NOSIP: variants seen among roughly 807,000 people sequenced by gnomAD.
NOSIP encodes the protein nitric oxide synthase interacting protein.
In NOSIP, 25 loss-of-function variants were observed where a neutral mutation model predicts 36.4. The observed-to-expected ratio is 0.69, with a 90% CI of 0.50 to 0.96. The LOEUF (loss-of-function observed/expected upper bound fraction) is 0.96, where lower values mean the gene tolerates loss of function less well. Among genes scored for constraint, NOSIP ranks in the 40% least tolerant of loss-of-function variants. The pLI, the probability that NOSIP is intolerant of heterozygous loss-of-function variation, is 0.00. For synonymous variants in NOSIP, 187 were observed against 179.2 expected (o/e 1.04, Z -0.35); for missense variants, 370 against 429.0 (o/e 0.86, Z 1.21).
At chr19:49,568,147 G>A (rs1473414614) in intron 1 of NOSIP, among the ~76,000 whole-genome samples, 1 of 152,140 alleles carries the variant, frequency 6.6e-6, no homozygotes. Context: ...AAAAAGATAA[G>A]AACAGAATAC....
intron 1 of NOSIP, among the ~76,000 whole-genome samples, chr19:49,567,938 A>C (rs2080432718): frequency 6.6e-6 from 1 of 152,048 alleles, no homozygotes; most frequent in African/African-American, 2.4e-5. Context: ...TTGGCTTCTC[A>C]AAGTGCTGGG....
chr19:49,570,830 G>A (rs971186865), intron 1 of NOSIP, among the ~76,000 whole-genome samples: 3 of 152,120 alleles, frequency 2.0e-5, no homozygotes, highest in African/African-American at 7.2e-5. Context: ...ACCCTCTGCA[G>A]TATTTGGCTC....
intron 1 of NOSIP, among the ~76,000 whole-genome samples, chr19:49,566,279 C>T (rs2080407226): frequency 1.3e-5 from 2 of 152,146 alleles, no homozygotes; most frequent in African/African-American, 4.8e-5. Flanking sequence ...CTCGGCTTCC[C>T]AAAGTGCTGG....
At chr19:49,575,362 C>T (rs2122190053) in intron 1 of NOSIP, among the ~76,000 whole-genome samples, 1 of 152,254 alleles carries the variant, frequency 6.6e-6, no homozygotes, top group South Asian at 2.1e-4. Context: ...TTAATTATCT[C>T]CACAAAGGCC....
intron 1 of NOSIP, among the ~76,000 whole-genome samples, chr19:49,564,720 A>T (rs1249609854): frequency 6.6e-6 from 1 of 152,170 alleles, no homozygotes; most frequent in African/African-American, 2.4e-5. Context: ...CCTGTTTACA[A>T]GACACATACA....
chr19:49,556,005 G>T (rs1437127760), intron 8 of NOSIP, among the ~76,000 whole-genome samples, 183 bp from the exon 9 acceptor site: 4 of 149,494 alleles, frequency 2.7e-5, no homozygotes, highest in African/African-American at 5.0e-5. Flanking sequence ...AGGGCGCAGA[G>T]AAGAGGGTAG....
chr19:49,579,608 A>G (rs2080598841), intron 1 of NOSIP, among the ~76,000 whole-genome samples: 1 of 152,048 alleles, frequency 6.6e-6, no homozygotes, highest in Non-Finnish European at 1.5e-5. Flanking sequence ...TCTGAAAACA[A>G]CCTCTGCTCA....
chr19:49,563,011 A>G (rs1386551621), intron 1 of NOSIP, among the ~76,000 whole-genome samples: 1 of 152,220 alleles, frequency 6.6e-6, no homozygotes, highest in Admixed American at 6.5e-5. Context: ...GTAAATGTGT[A>G]GCTGATGGAA....
intron 1 of NOSIP, among the ~76,000 whole-genome samples, chr19:49,576,608 G>C (rs2080556231): frequency 6.6e-6 from 1 of 151,568 alleles, no homozygotes; most frequent in African/African-American, 2.4e-5. Flanking sequence ...AAAAATGCCA[G>C]GTGAGGTGGC....
chr19:49,575,720 A>G (rs189664765), intron 1 of NOSIP, among the ~76,000 whole-genome samples: 102 of 152,316 alleles, frequency 6.7e-4, no homozygotes, highest in Middle Eastern at 6.8e-3. Context: ...CCACAGACAC[A>G]CAAACGGGCA....
intron 1 of NOSIP, among the ~76,000 whole-genome samples, chr19:49,561,028 A>G (rs936370647): frequency 2.6e-5 from 4 of 152,136 alleles, no homozygotes; most frequent in Non-Finnish European, 5.9e-5. Context: ...GGAGGGGAAA[A>G]AAAAAGACAC....
chr19:49,558,795 G>C, intron 4 of NOSIP, 102 bp downstream of exon 4: 2 of 949,098 alleles, frequency 2.1e-6, no homozygotes, highest in Admixed American at 3.4e-5. Flanking sequence ...TGGTGTACCA[G>C]GCAGAGGGAA....
At chr19:49,555,958 G>A in intron 8 of NOSIP, 136 bp from the exon 9 acceptor site, 1 of 647,892 alleles carries the variant, frequency 1.5e-6, no homozygotes, top group Non-Finnish European at 2.8e-6. Context: ...TGGGGAGGGG[G>A]CGAGGCGACC....
At position 49,559,934 on chromosome 19, in the gene NOSIP, G is replaced by A. The variant is rs370833946; in HGVS notation, c.176C>T (p.Thr59Ile). Reference protein sequence around the residue: ...SLQPCHDPVVTPDGYLYEREA... With the variant: ...SLQPCHDPVVIPDGYLYEREA... The stretch of plus-strand genomic sequence containing the variant: ...CTACCCATCCCTGTTCCCAGCTCAC[G>A]TGACAACAGGATCGTGGCAAGGCTG... Residue 59 changes from threonine to isoleucine, a missense_variant and splice_region_variant, in exon 3 of 9, where the codon ACC becomes ATC. By Grantham distance (89) the Thr-to-Ile change is moderately conservative. Transcript: ENST00000596358. The A allele has an allele frequency of 2.5e-6, 4 of 1,608,134 alleles. No homozygotes were observed. Among genetic ancestry groups the A allele is most frequent in the African/African-American group, 2.7e-5 (2 of 74,784 alleles).
intron 1 of NOSIP, among the ~76,000 whole-genome samples, chr19:49,577,558 AAAAG>A (rs1481017933): frequency 6.6e-6 from 1 of 151,238 alleles, no homozygotes; most frequent in Non-Finnish European, 1.5e-5. Context: ...AAAAAAAAAG[AAAAG>A]AAGTATATCT....
At chr19:49,577,767 GAA>G (rs61302412) in intron 1 of NOSIP, among the ~76,000 whole-genome samples, 16 of 121,642 alleles carry the variant, frequency 1.3e-4, no homozygotes, top group South Asian at 5.5e-4. Context: ...CGTGTCTCGG[GAA>G]AAAAAAAAAA....
chr19:49,569,369 A>AT (rs552513559), intron 1 of NOSIP, among the ~76,000 whole-genome samples: 80 of 136,106 alleles, frequency 5.9e-4, no homozygotes, highest in Admixed American at 8.1e-4. Context: ...AATTTTTTTT[A>AT]TTTTTTTTTT....
rs2080315908 is a variant in NOSIP at position 49,560,379 on chromosome 19, C to T, written c.70+243G>A. On this transcript the variant is annotated intron_variant, in intron 2 of 8. Coordinates refer to ENST00000596358, the MANE Select transcript of NOSIP (RefSeq NM_001270960.2). This position sits in a 1 kb window ranked among gnomAD's most constrained non-coding sequence, Gnocchi z 4.6. ...TTTCTTCCTCTGGAACATGGGGTAA[C>T]AAGAGCACCCTCCCTGACACTCTGT... 6.8e-6 allele frequency: 4 copies of T among 584,642 alleles called. No homozygotes were observed. Among genetic ancestry groups the T allele is most frequent in the Non-Finnish European group, 1.2e-5 (4 of 327,126 alleles). 36.2% of individuals were successfully genotyped at this position (584,642 alleles called of 1,614,324 possible).
In NOSIP at chr19:49,557,153, A is replaced by T. The variant is rs779613179; in HGVS notation, c.355T>A (p.Ser119Thr). 1.9e-6 allele frequency: 3 copies of T among 1,611,872 alleles called. No homozygotes were observed. Among genetic ancestry groups the T allele is most frequent in the Non-Finnish European group, 1.7e-6 (2 of 1,179,300 alleles). The change falls in exon 5 of 9, where the codon TCG (serine) becomes ACG (threonine). Residue 119 changes from serine (S) to threonine (T), a missense_variant. By Grantham distance (58) the Ser-to-Thr change is moderately conservative (BLOSUM62 1). Transcript: ENST00000596358. Reference protein sequence around the residue: ...DHVRGFLEKESAIVSRPLNPF... With the variant: ...DHVRGFLEKETAIVSRPLNPF... ...TTGAGGGGCCGGCTCACGATAGCCG[A>T]CTCCTTCTCCAGGAAGCCCCGCACA... is the stretch of plus-strand genomic sequence containing the variant.
Sources: allele counts gnomAD v4.1 joint callset (sites outside exome capture counted in the v4.1 genomes callset), GRCh38; gene constraint gnomAD v4.1.1; non-coding constraint Gnocchi (gnomAD v3.1); transcripts MANE v1.5; gene names NCBI Gene and HGNC (gene_info 2026-07-23, HGNC 2026-07-21).